The following RUNDC3B variants were observed in gnomAD, a reference collection of about 807,000 sequenced individuals.
RUNDC3B encodes RUN domain-containing protein 3B.
A neutral mutation model predicts 58.4 loss-of-function variants in RUNDC3B; 33 were observed. The ratio of observed to expected loss-of-function variants is 0.56; its 90% confidence interval spans 0.43 to 0.75. The LOEUF (loss-of-function observed/expected upper bound fraction) is 0.75. Ranked by LOEUF, RUNDC3B falls within the 30% of genes least tolerant of loss-of-function variation. RUNDC3B has a pLI of 0.00. For missense variants in RUNDC3B, 501 were observed against 535.7 expected (o/e 0.94, Z 0.64); for synonymous variants, 193 against 195.2 (o/e 0.99, Z 0.10).
intron 8 of RUNDC3B, among the ~76,000 whole-genome samples, chr7:87,790,770 G>A (rs939134238): frequency 6.6e-6 from 1 of 151,890 alleles, no homozygotes; most frequent in Non-Finnish European, 1.5e-5. Flanking sequence ...CTCAAAGACA[G>A]GCTATTTGAA....
intron 1 of RUNDC3B, 162 bp downstream of exon 1, chr7:87,629,107 G>A (rs1820930419): frequency 3.3e-6 from 2 of 612,476 alleles, no homozygotes; most frequent in Non-Finnish European, 4.9e-6. Context: ...CTTGGACAGG[G>A]GCCCGGGTCT....
chr7:87,694,646 G>C (rs1157545130), intron 2 of RUNDC3B, among the ~76,000 whole-genome samples: 1 of 152,046 alleles, frequency 6.6e-6, no homozygotes, highest in Non-Finnish European at 1.5e-5. Context: ...CATTATACTT[G>C]ATTTCTTCAG....
At chr7:87,793,185 T>G (rs1835622499) in intron 8 of RUNDC3B, among the ~76,000 whole-genome samples, 2 of 152,012 alleles carry the variant, frequency 1.3e-5, no homozygotes, top group African/African-American at 2.4e-5. Context: ...TAACTAGTAA[T>G]GAGATTTAAA....
intron 1 of RUNDC3B, among the ~76,000 whole-genome samples, chr7:87,638,647 T>C (rs1822088707): frequency 1.3e-5 from 2 of 151,946 alleles, no homozygotes; most frequent in South Asian, 2.1e-4. Flanking sequence ...CTTAATATCC[T>C]CTTAATGTCT....
At chr7:87,715,369 ATAAT>A (rs995414744) in intron 4 of RUNDC3B, among the ~76,000 whole-genome samples, 6 of 115,984 alleles carry the variant, frequency 5.2e-5, no homozygotes, top group Non-Finnish European at 8.3e-5. Flanking sequence ...TTAATTTATA[ATAAT>A]TATATAATCA....
At chr7:87,750,117 G>C (rs6947641) in intron 6 of RUNDC3B, among the ~76,000 whole-genome samples, 1,730 of 151,976 alleles carry the variant, frequency 0.011, 41 homozygotes, top group African/African-American at 0.039. Context: ...CTATGAGTGA[G>C]AATATGTGGT....
At chr7:87,731,905 T>C (rs1831598405) in intron 4 of RUNDC3B, among the ~76,000 whole-genome samples, 1 of 152,222 alleles carries the variant, frequency 6.6e-6, no homozygotes, top group Admixed American at 6.5e-5. Context: ...AGGTGGACTA[T>C]AGACCAAATG....
intron 2 of RUNDC3B, among the ~76,000 whole-genome samples, chr7:87,696,393 T>G (rs573032118): frequency 6.6e-6 from 1 of 152,266 alleles, no homozygotes; most frequent in East Asian, 1.9e-4. Context: ...GGTTATAGAC[T>G]TTTACTAGCA....
Position 87,709,362 on chromosome 7 carries a change from A to G in RUNDC3B, c.373-1208A>G, listed in dbSNP as rs555458697. 1.0e-5 allele frequency: 10 copies of G among 985,300 alleles called. No homozygotes were observed. The South Asian group carries it at 3.3e-4, about 32-fold the overall frequency. 61.0% of individuals were successfully genotyped at this position (985,300 alleles called of 1,614,324 possible). ...TGTCTTTTAGATGAAATTTCAAGAG[A>G]GAATTTTGAGACTACTGGCCAGCCA... On this transcript the variant is annotated intron_variant, in intron 3 of 10. Transcript: ENST00000394654.
At chr7:87,810,800 GA>G (rs1221801971) in intron 9 of RUNDC3B, among the ~76,000 whole-genome samples, 9 of 152,040 alleles carry the variant, frequency 5.9e-5, no homozygotes, top group Admixed American at 5.9e-4. Flanking sequence ...TTTCAAACAT[GA>G]TATACATGTT....
intron 4 of RUNDC3B, among the ~76,000 whole-genome samples, chr7:87,728,416 A>G (rs943680500): frequency 1.1e-4 from 17 of 152,210 alleles, no homozygotes; most frequent in African/African-American, 4.1e-4. Flanking sequence ...TAGTGGCTTA[A>G]AAACAATACC....
At chr7:87,804,143 G>T (rs10266417) in intron 8 of RUNDC3B, among the ~76,000 whole-genome samples, 2 of 152,030 alleles carry the variant, frequency 1.3e-5, no homozygotes, top group Admixed American at 6.6e-5. Context: ...AGATCTTTTC[G>T]AATGAGGTAG....
intron 1 of RUNDC3B, 110 bp from the exon 2 acceptor site, chr7:87,650,712 C>T: frequency 4.3e-6 from 3 of 695,602 alleles, no homozygotes; most frequent in Non-Finnish European, 5.2e-6. Flanking sequence ...ATGTTATACT[C>T]TTGTAAAATA....
rs1837036485 is a variant in RUNDC3B at position 87,816,395 on chromosome 7, A to G, written c.1225+133A>G. On this transcript the variant is annotated intron_variant, in intron 10 of 10. Transcript: ENST00000394654. The stretch of plus-strand genomic sequence containing the variant: ...AGAAATTAAGCAGCCATTATGATTA[A>G]AAATGGTCTGCCTTTGTGTCTTTCT... 1.5e-5 allele frequency: 10 copies of G among 650,242 alleles called. No individual in the cohort carries two copies. In the South Asian group the frequency reaches 1.9e-4, roughly 12 times the overall value. 40.3% of individuals were successfully genotyped at this position (650,242 alleles called of 1,614,324 possible).
intron 10 of RUNDC3B, among the ~76,000 whole-genome samples, chr7:87,823,817 CACACACATAT>C (rs1179891523): frequency 6.6e-6 from 1 of 151,322 alleles, no homozygotes; most frequent in Admixed American, 6.6e-5. Flanking sequence ...CACACACACA[CACACACATAT>C]ATATATACAC....
At chr7:87,730,844 G>C (rs1584031177) in intron 4 of RUNDC3B, among the ~76,000 whole-genome samples, 1 of 151,978 alleles carries the variant, frequency 6.6e-6, no homozygotes, top group African/African-American at 2.4e-5. Flanking sequence ...CCATACCCCA[G>C]GTCCAGGCAG....
chr7:87,683,572 G>A (rs542305434), intron 2 of RUNDC3B, among the ~76,000 whole-genome samples: 5 of 152,210 alleles, frequency 3.3e-5, no homozygotes, highest in East Asian at 3.9e-4. Flanking sequence ...GGAAATGGCC[G>A]GTAGCTGGAG....
intron 1 of RUNDC3B, among the ~76,000 whole-genome samples, chr7:87,637,636 A>C (rs1821917598): frequency 6.6e-6 from 1 of 151,974 alleles, no homozygotes; most frequent in African/African-American, 2.4e-5. Context: ...TAAATCTCTT[A>C]TTATATTTAT....
chr7:87,811,423 TC>T (rs981040268), intron 9 of RUNDC3B, among the ~76,000 whole-genome samples: 7 of 151,858 alleles, frequency 4.6e-5, no homozygotes, highest in Admixed American at 1.3e-4. Flanking sequence ...AACCTTTGCC[TC>T]CCGGGTTGAA....
Sources: allele counts gnomAD v4.1 joint callset (sites outside exome capture counted in the v4.1 genomes callset), GRCh38; gene constraint gnomAD v4.1.1; transcripts MANE v1.5; gene names NCBI Gene and HGNC (gene_info 2026-07-23, HGNC 2026-07-21).